Variants in GPC6 observed in about 807,000 individuals in gnomAD.
The protein encoded by GPC6 is glypican 6, also known as glypican-6.
GPC6 carries 14 observed loss-of-function variants against 55.2 expected under a neutral mutation model. The ratio of observed to expected loss-of-function variants is 0.25; its 90% confidence interval spans 0.17 to 0.40. The LOEUF is 0.40. Among genes scored for constraint, GPC6 ranks in the 10% least tolerant of loss-of-function variants. The probability of loss-of-function intolerance (pLI) is 1.00; values close to 1 mark genes in which losing one functional copy is unlikely to be tolerated. For missense variants in GPC6, 641 were observed against 708.5 expected (o/e 0.90, Z 1.08); for synonymous variants, 278 against 259.6 (o/e 1.07, Z -0.68).
intron 2 of GPC6, among the ~76,000 whole-genome samples, chr13:93,737,694 A>G (rs1444190934): frequency 6.6e-6 from 1 of 152,130 alleles, no homozygotes; most frequent in African/African-American, 2.4e-5. Context: ...CATTCTTCCT[A>G]GAAAAAGTAG....
chr13:94,059,404 C>G (rs1884245509), intron 4 of GPC6, among the ~76,000 whole-genome samples: 1 of 152,056 alleles, frequency 6.6e-6, no homozygotes, highest in African/African-American at 2.4e-5. Context: ...CCTCCTGCAG[C>G]CCCTCATCCT....
At chr13:94,236,692 G>A (rs937577620) in intron 4 of GPC6, among the ~76,000 whole-genome samples, 3 of 152,070 alleles carry the variant, frequency 2.0e-5, no homozygotes, top group Non-Finnish European at 4.4e-5. Context: ...AGATTTTGGG[G>A]CATTCTTTCA....
At chr13:93,488,961 G>A (rs1220274410) in intron 1 of GPC6, among the ~76,000 whole-genome samples, 1 of 151,890 alleles carries the variant, frequency 6.6e-6, no homozygotes, top group Admixed American at 6.6e-5. Context: ...CTGTGCAGAA[G>A]CTCTTTAGTT....
At chr13:94,382,275 T>C in intron 6 of GPC6, 139 bp from the exon 7 acceptor site, 2 of 854,856 alleles carry the variant, frequency 2.3e-6, no homozygotes, top group Non-Finnish European at 3.8e-6. Context: ...TGCAGTGCAG[T>C]GTCTCTCTCT....
At position 94,232,537 on chromosome 13, in the gene GPC6, G is replaced by T. The variant is rs375987029; in HGVS notation, c.878-53812G>T. ...CCCCTTCAGGAGGTGGGTTTTTTTT[G>T]GGGGGGTGGGGCAGGGTGTCAAAGA... On this transcript the variant is annotated intron_variant, in intron 4 of 8. Transcript: ENST00000377047. 7.2e-4 allele frequency among the ~76,000 whole-genome samples: 109 copies of T among 152,002 alleles called. 1 individual carries two copies. The highest frequency in any genetic ancestry group is 3.4e-3 in the Middle Eastern group (1 of 294).
intron 3 of GPC6, among the ~76,000 whole-genome samples, chr13:93,986,848 T>C (rs1386105008): frequency 6.6e-6 from 1 of 152,192 alleles, no homozygotes; most frequent in African/African-American, 2.4e-5. Flanking sequence ...GCAAGTCAAC[T>C]ATTCTTTTTG....
At chr13:93,396,135 T>A (rs1389479863) in intron 1 of GPC6, among the ~76,000 whole-genome samples, 1 of 152,216 alleles carries the variant, frequency 6.6e-6, no homozygotes, top group East Asian at 1.9e-4. Context: ...GTAAAGGTCA[T>A]CTGAAATTGT....
At chr13:94,029,651 G>C (rs2138723286) in intron 4 of GPC6, among the ~76,000 whole-genome samples, 1 of 152,254 alleles carries the variant, frequency 6.6e-6, no homozygotes, top group African/African-American at 2.4e-5. Flanking sequence ...AGTTCAGTTG[G>C]CTTCAGTCAG....
chr13:94,089,335 C>T (rs1293893197), intron 4 of GPC6, among the ~76,000 whole-genome samples: 2 of 152,098 alleles, frequency 1.3e-5, no homozygotes, highest in Admixed American at 6.5e-5. Context: ...TCAATGACAT[C>T]GCAGAAGAGA....
At chr13:94,281,350 C>A (rs1199742501) in intron 4 of GPC6, among the ~76,000 whole-genome samples, 1 of 152,100 alleles carries the variant, frequency 6.6e-6, no homozygotes, top group African/African-American at 2.4e-5. Context: ...CCTCCCCTTC[C>A]CTCTCACTCC....
chr13:93,540,111 T>G lies in GPC6; in HGVS notation c.161-5152T>G, dbSNP rs1000035410. 1.3e-5 allele frequency among the ~76,000 whole-genome samples: 2 copies of G among 152,278 alleles called. 1 individual carries two copies. The highest frequency in any genetic ancestry group is 4.1e-4 in the South Asian group (2 of 4,824). ...GAGTAGTCTTGTCTGAGGTTGGTAT[T>G]CTGTGAGAATGTTTACGTGTAACAG... On this transcript the variant is annotated intron_variant, in intron 1 of 8. Coordinates refer to ENST00000377047, the MANE Select transcript of GPC6 (RefSeq NM_005708.5).
chr13:93,231,391 A>ATATACG (rs1555336143), intron 1 of GPC6, among the ~76,000 whole-genome samples: 10 of 21,466 alleles, frequency 4.7e-4, no homozygotes, highest in East Asian at 2.8e-3. Context: ...ATATATATAT[A>ATATACG]TATATGTATA....
intron 3 of GPC6, among the ~76,000 whole-genome samples, chr13:93,890,663 A>G (rs936116889): frequency 3.3e-5 from 5 of 151,804 alleles, no homozygotes; most frequent in African/African-American, 1.2e-4. Flanking sequence ...GACTGCTTGA[A>G]TAGCAAGCAT....
intron 2 of GPC6, among the ~76,000 whole-genome samples, chr13:93,663,095 C>CAA (rs35257700): frequency 5.1e-4 from 57 of 111,164 alleles, no homozygotes; most frequent in African/African-American, 1.5e-3. Flanking sequence ...TGACTGGTTG[C>CAA]AAAAAAAAAA....
intron 1 of GPC6, among the ~76,000 whole-genome samples, chr13:93,499,151 G>A (rs1183908890): frequency 1.3e-5 from 2 of 151,456 alleles, no homozygotes; most frequent in Non-Finnish European, 2.9e-5. Context: ...TGAGGGCAAA[G>A]GCAGCCACAG....
chr13:93,937,672 G>A (rs539697193), intron 3 of GPC6, among the ~76,000 whole-genome samples: 11 of 152,016 alleles, frequency 7.2e-5, no homozygotes, highest in African/African-American at 2.4e-4. Context: ...TCTGCCTCCC[G>A]GATTCAAGCG....
chr13:94,276,611 C>CAGG (rs1354021394), intron 4 of GPC6, among the ~76,000 whole-genome samples: 2 of 152,142 alleles, frequency 1.3e-5, no homozygotes, highest in African/African-American at 4.8e-5. Flanking sequence ...CCTAACAGGC[C>CAGG]CTGGTGTTTG....
In GPC6 at chr13:94,175,802, A is replaced by T. The variant is rs181569295; in HGVS notation, c.878-110547A>T. 5.3e-3 allele frequency among the ~76,000 whole-genome samples: 795 copies of T among 148,798 alleles called. 7 individuals are homozygous for T. The highest frequency in any genetic ancestry group is 0.019 in the African/African-American group (764 of 40,998). ...TATAAGCATATATACATATATTTAAAGTTATATATATCTTTTATATAAATA... is the reference window on the plus strand; with the variant it reads ...TATAAGCATATATACATATATTTAATGTTATATATATCTTTTATATAAATA... On this transcript the variant is annotated intron_variant, in intron 4 of 8. Coordinates refer to ENST00000377047, the MANE Select transcript of GPC6 (RefSeq NM_005708.5).
At chr13:93,222,403 C>G (rs929043991), upstream of GPC6, among the ~76,000 whole-genome samples, 1 of 152,208 alleles carries the variant, frequency 6.6e-6, no homozygotes, top group African/African-American at 2.4e-5. Flanking sequence ...GACTACCTCT[C>G]TGCCCCTTCC....
Sources: gnomAD v4.1 joint callset for allele counts (sites outside exome capture counted in the v4.1 genomes callset) on GRCh38, gnomAD v4.1.1 for gene constraint, MANE v1.5 for transcripts, NCBI Gene and HGNC (gene_info 2026-07-23, HGNC 2026-07-21) for gene names.